SPICE1: variants seen among roughly 807,000 people sequenced by gnomAD.
The protein encoded by SPICE1 is spindle and centriole-associated protein 1.
In SPICE1, 75 loss-of-function variants were observed where a neutral mutation model predicts 102.7. The ratio of observed to expected loss-of-function variants is 0.73; its 90% CI spans 0.61 to 0.88. SPICE1 has a LOEUF of 0.88. SPICE1 is among the 40% of genes least tolerant of loss of function. The pLI, the probability that SPICE1 is intolerant of heterozygous loss-of-function variation, is 0.00. For synonymous variants in SPICE1, 308 were observed against 350.3 expected (o/e 0.88, Z 1.35); for missense variants, 979 against 1,020.1 (o/e 0.96, Z 0.55).
chr3:113,493,360 T>A (rs776282105), intron 5 of SPICE1, 48 bp from the exon 6 acceptor site: 2 of 1,462,060 alleles, frequency 1.4e-6, no homozygotes, highest in Admixed American at 3.4e-5. Context: ...TTAATTAACT[T>A]GACTTCACAA....
In SPICE1 at chr3:113,465,662, A is replaced by T. The variant is rs1936037549; in HGVS notation, c.1278T>A (p.Ala426=). ...GATCTCATCTGAGTACCTGTGTAGC[A>T]GCGTTTTCTTCTCTAAGACGAAGAA... ...AEILRLREEN[A]ATQARLQQYM... The change falls in exon 11 of 18, where the codon GCT becomes GCA. Residue 426 remains alanine (A), a synonymous_variant. Transcript: ENST00000295872. 6.2e-7 allele frequency: 1 copy of T among 1,613,604 alleles called. No homozygotes were observed. Among genetic ancestry groups the T allele is most frequent in the Non-Finnish European group, 8.5e-7 (1 of 1,179,846 alleles).
intron 7 of SPICE1, among the ~76,000 whole-genome samples, chr3:113,479,102 T>C (rs1235691530): frequency 6.7e-6 from 1 of 149,734 alleles, no homozygotes; most frequent in Non-Finnish European, 1.5e-5. Flanking sequence ...ATTAGGTGTA[T>C]CTCCTAATGC....
intron 7 of SPICE1, among the ~76,000 whole-genome samples, chr3:113,481,126 G>T (rs183680871): frequency 1.3e-5 from 2 of 152,218 alleles, no homozygotes; most frequent in East Asian, 3.9e-4. Flanking sequence ...TCTATTTGCA[G>T]ATGAGATGAC....
At chr3:113,475,471 G>C (rs1349364361) in intron 7 of SPICE1, among the ~76,000 whole-genome samples, 2 of 151,718 alleles carry the variant, frequency 1.3e-5, no homozygotes, top group Admixed American at 6.6e-5. Flanking sequence ...GCCGGGCAGA[G>C]ACACAACCAA....
Position 113,486,210 on chromosome 3 carries a change from C to CATATATATATATATAT in SPICE1, c.611+2719_611+2734dup, listed in dbSNP as rs60309507. On this transcript the variant is annotated intron_variant, in intron 7 of 17. Transcript: ENST00000295872. ...ATACTGTAGTTTATTTGACCATTCT[C>CATATATATATATATAT]ATATATATATATATATATATATGCC... 8.0e-4 allele frequency among the ~76,000 whole-genome samples: 113 copies of CATATATATATATATAT among 141,026 alleles called. 1 individual carries two copies. The highest frequency in any genetic ancestry group is 5.1e-3 in the East Asian group (24 of 4,734). 92.5% of individuals were successfully genotyped at this position (141,026 alleles called of 152,430 possible).
At chr3:113,447,101 G>A (rs1935535147) in intron 16 of SPICE1, among the ~76,000 whole-genome samples, 1 of 151,726 alleles carries the variant, frequency 6.6e-6, no homozygotes, top group Non-Finnish European at 1.5e-5. Flanking sequence ...AGTTTCCTTC[G>A]CCTCCCACCA....
chr3:113,485,614 A>G (rs570840457), intron 7 of SPICE1, among the ~76,000 whole-genome samples: 1 of 152,298 alleles, frequency 6.6e-6, no homozygotes, highest in South Asian at 2.1e-4. Flanking sequence ...TCTCCCTGGG[A>G]CAGAGCACCT....
intron 3 of SPICE1, 77 bp from the exon 4 acceptor site, chr3:113,499,659 A>C: frequency 7.4e-7 from 1 of 1,351,634 alleles, no homozygotes; most frequent in Non-Finnish European, 9.8e-7. Context: ...GAGATCACCT[A>C]CTCTAGTTCA....
intron 17 of SPICE1, 123 bp downstream of exon 17, chr3:113,446,466 C>A: frequency 1.3e-6 from 1 of 760,502 alleles, no homozygotes; most frequent in Non-Finnish European, 2.2e-6. Context: ...TATTTCTTTT[C>A]TTTTAAGAAT....
At chr3:113,504,970 C>A (rs1937079626) in intron 2 of SPICE1, among the ~76,000 whole-genome samples, 2 of 152,126 alleles carry the variant, frequency 1.3e-5, no homozygotes, top group African/African-American at 4.8e-5. Flanking sequence ...GTTCTTAATG[C>A]AATTTCAAAT....
At chr3:113,462,762 G>A (rs544046777) in intron 11 of SPICE1, among the ~76,000 whole-genome samples, 8 of 152,144 alleles carry the variant, frequency 5.3e-5, no homozygotes, top group East Asian at 3.9e-4. Context: ...AAGGGCACGC[G>A]ACCCAAGAAA....
intron 12 of SPICE1, among the ~76,000 whole-genome samples, chr3:113,457,630 T>C (rs1473916677): frequency 1.3e-5 from 2 of 152,028 alleles, no homozygotes; most frequent in African/African-American, 4.8e-5. Context: ...TCCTAAAAAA[T>C]CCTATGTGGC....
intron 1 of SPICE1, among the ~76,000 whole-genome samples, chr3:113,514,228 A>AAC (rs1291401015): frequency 6.6e-6 from 1 of 152,232 alleles, no homozygotes; most frequent in East Asian, 1.9e-4. Flanking sequence ...CAGCAATCTG[A>AAC]ACACCTAAGA....
intron 4 of SPICE1, among the ~76,000 whole-genome samples, chr3:113,495,929 T>G (rs1486015651): frequency 4.6e-5 from 7 of 152,308 alleles, no homozygotes; most frequent in Non-Finnish European, 8.8e-5. Context: ...TGAGGTCTCA[T>G]GTAAAAACCA....
intron 4 of SPICE1, among the ~76,000 whole-genome samples, chr3:113,498,396 G>A (rs1258556506): frequency 6.6e-6 from 1 of 152,124 alleles, no homozygotes; most frequent in African/African-American, 2.4e-5. Context: ...CTAGAGAAAG[G>A]AAAATAAGCC....
At chr3:113,483,886 C>T (rs1936580194) in intron 7 of SPICE1, among the ~76,000 whole-genome samples, 2 of 152,116 alleles carry the variant, frequency 1.3e-5, no homozygotes, top group Non-Finnish European at 2.9e-5. Flanking sequence ...ATGATGCTGG[C>T]CTCATAAAAT....
chr3:113,480,317 C>T (rs2107479820), intron 7 of SPICE1, among the ~76,000 whole-genome samples: 1 of 151,826 alleles, frequency 6.6e-6, no homozygotes, highest in Admixed American at 6.6e-5. Context: ...TAAATTGTTC[C>T]AGGACTTAAA....
chr3:113,496,052 T>C (rs997589193), intron 4 of SPICE1, among the ~76,000 whole-genome samples: 18 of 141,570 alleles, frequency 1.3e-4, no homozygotes, highest in Non-Finnish European at 2.4e-4. Context: ...AGATTTTTTT[T>C]TTACAACTTT....
chr3:113,488,893 T>C (rs1017600851), intron 7 of SPICE1, 52 bp downstream of exon 7: 2 of 1,035,748 alleles, frequency 1.9e-6, no homozygotes, highest in Non-Finnish European at 2.9e-6. Flanking sequence ...AACATTGAAA[T>C]GGCCATGGAA....
Sources: gnomAD v4.1 joint callset for allele counts (sites outside exome capture counted in the v4.1 genomes callset) on GRCh38, gnomAD v4.1.1 for gene constraint, MANE v1.5 for transcripts, NCBI Gene and HGNC (gene_info 2026-07-23, HGNC 2026-07-21) for gene names.